Variants in NPNT observed in about 807,000 individuals in gnomAD.
NPNT encodes the protein preosteoblast EGF-like repeat protein with MAM domain.
NPNT carries 45 observed loss-of-function variants against 68.6 expected under a neutral mutation model. The observed-to-expected ratio is 0.66, with a 90% confidence interval of 0.52 to 0.84. The LOEUF (loss-of-function observed/expected upper bound fraction) is 0.84. NPNT is among the 40% of genes least tolerant of loss of function. The pLI is 0.00. For missense variants in NPNT, 672 were observed against 714.8 expected (o/e 0.94, Z 0.68); for synonymous variants, 233 against 253.3 (o/e 0.92, Z 0.76).
At position 105,959,116 on chromosome 4, in the gene NPNT, G is replaced by T. The variant is rs770321537; in HGVS notation, c.1335G>T (p.Arg445Ser). 110 of 1,608,322 alleles carry T rather than the reference G, an allele frequency of 6.8e-5. No homozygotes were observed. The highest frequency in any genetic ancestry group is 8.7e-5 in the Non-Finnish European group (102 of 1,175,004). ...ATGACTTGCACTGGGAACCAATCAGGGACCCAGCAGGTAAAACCATTTCAT... is the reference window on the plus strand; with the variant it reads ...ATGACTTGCACTGGGAACCAATCAGTGACCCAGCAGGTAAAACCATTTCAT... The part of the protein sequence containing the change: ...KDNDLHWEPI[R>S]DPAGGQYLTV... The change falls in exon 10 of 12, where the codon AGG (arginine) becomes AGT (serine). Residue 445 changes from arginine to serine, a missense_variant. Transcript: ENST00000379987.
chr4:105,936,931 T>C, intron 3 of NPNT, 78 bp from the exon 4 acceptor site: 10 of 1,419,534 alleles, frequency 7.0e-6, no homozygotes, highest in Non-Finnish European at 8.5e-6. Context: ...CATTTTTTAA[T>C]ATAGAAAAGA....
intron 2 of NPNT, among the ~76,000 whole-genome samples, chr4:105,909,855 C>T (rs1727216947): frequency 6.6e-6 from 1 of 152,138 alleles, no homozygotes. Flanking sequence ...GCATTTATCA[C>T]CTTTAACAAA....
chr4:105,898,135 A>G lies in NPNT; in HGVS notation c.172+134A>G, dbSNP rs904183247. 1.0e-5 allele frequency: 6 copies of G among 590,140 alleles called. No individual in the cohort carries two copies. In the Admixed American group the frequency reaches 1.4e-4, roughly 13 times the overall value. 36.6% of individuals were successfully genotyped at this position (590,140 alleles called of 1,614,324 possible). On this transcript the variant is annotated intron_variant, in intron 2 of 11. Coordinates refer to ENST00000379987, the MANE Select transcript of NPNT (RefSeq NM_001033047.3). ...TTGCAGGTCTGACTTGGGGATTTTC[A>G]GGTACAGTCCAGACTCCTTATTCTG... is the stretch of plus-strand genomic sequence containing the variant.
At chr4:105,967,061 T>G (rs1285518728) in intron 10 of NPNT, 127 bp from the exon 11 acceptor site, 3 of 877,686 alleles carry the variant, frequency 3.4e-6, no homozygotes. Context: ...CATATTTTTC[T>G]TCTTCAAAAA....
intron 2 of NPNT, among the ~76,000 whole-genome samples, chr4:105,915,868 A>G (rs138758164): frequency 7.9e-5 from 12 of 152,252 alleles, no homozygotes; most frequent in African/African-American, 1.2e-4. Context: ...TCCTTCGTCA[A>G]CTTCAGTCAA....
Position 105,912,809 on chromosome 4 carries a change from G to A in NPNT, c.173-14527G>A, listed in dbSNP as rs114924998. Among the ~76,000 whole-genome samples the A allele has an allele frequency of 6.0e-3, 918 of 152,284 alleles. 9 individuals are homozygous for A. The highest frequency in any genetic ancestry group is 0.021 in the African/African-American group (869 of 41,564). ...ACCCTATGACACTTTAGTGGAAAAC[G>A]TTGGTGAAATATGTGGAATTGTAAT... On this transcript the variant is annotated intron_variant, in intron 2 of 11. Transcript: ENST00000379987.
intron 3 of NPNT, among the ~76,000 whole-genome samples, chr4:105,936,778 G>A (rs930246926): frequency 4.6e-5 from 7 of 152,128 alleles, no homozygotes; most frequent in African/African-American, 1.7e-4. Context: ...TTTCCTAACT[G>A]GCCTTTATAA....
At chr4:105,922,165 C>G (rs1728306897) in intron 2 of NPNT, among the ~76,000 whole-genome samples, 1 of 151,834 alleles carries the variant, frequency 6.6e-6, no homozygotes, top group African/African-American at 2.4e-5. Flanking sequence ...TGGCTTTTGC[C>G]TTATTACTTT....
chr4:105,937,618 C>G (rs1729595953), intron 4 of NPNT, among the ~76,000 whole-genome samples: 1 of 151,638 alleles, frequency 6.6e-6, no homozygotes, highest in Admixed American at 6.6e-5. Context: ...TAATAATAGT[C>G]TAAGACTTCT....
chr4:105,962,727 G>A (rs1731814317), intron 10 of NPNT, among the ~76,000 whole-genome samples: 1 of 152,014 alleles, frequency 6.6e-6, no homozygotes, highest in African/African-American at 2.4e-5. Flanking sequence ...ATGTGAGGAT[G>A]GAATTGCAGA....
intron 2 of NPNT, among the ~76,000 whole-genome samples, chr4:105,919,614 G>T (rs1386811814): frequency 6.6e-6 from 1 of 151,962 alleles, no homozygotes; most frequent in Non-Finnish European, 1.5e-5. Flanking sequence ...TCTCGACAAT[G>T]ATATTTTTGA....
intron 3 of NPNT, among the ~76,000 whole-genome samples, chr4:105,930,167 G>T (rs1010384884): frequency 6.6e-6 from 1 of 152,176 alleles, no homozygotes; most frequent in African/African-American, 2.4e-5. Context: ...GTTCCTGATG[G>T]CAAGGTTTAT....
chr4:105,958,438 C>G (rs1259221885), intron 8 of NPNT, 33 bp from the exon 9 acceptor site: 6 of 1,337,436 alleles, frequency 4.5e-6, no homozygotes, highest in Non-Finnish European at 6.4e-6. Flanking sequence ...CACACACACA[C>G]ACACACAAAA....
At position 105,969,074 on chromosome 4, in the gene NPNT, C is replaced by A; in HGVS notation, c.*84C>A. On this transcript the variant is annotated 3_prime_UTR_variant, in exon 12 of 12. Transcript: ENST00000379987. ...TCTTCTCTCCTCTTCTCCCTTTTAT[C>A]AGGCCTAGGAGAAGAGTGGGTCAGT... The A allele has an allele frequency of 1.1e-6, 1 of 928,226 alleles. No individual in the cohort carries two copies. The highest frequency in any genetic ancestry group is 1.7e-6 in the Non-Finnish European group (1 of 596,076). 57.5% of individuals were successfully genotyped at this position (928,226 alleles called of 1,614,324 possible).
intron 3 of NPNT, among the ~76,000 whole-genome samples, chr4:105,931,164 GA>G (rs975295248): frequency 1.3e-5 from 2 of 151,316 alleles, no homozygotes; most frequent in South Asian, 2.1e-4. Context: ...CCCCCAGCCA[GA>G]AAAAAAATAT....
intron 2 of NPNT, among the ~76,000 whole-genome samples, chr4:105,923,027 A>T (rs183671603): frequency 7.2e-5 from 11 of 152,360 alleles, no homozygotes; most frequent in Admixed American, 7.2e-4. Context: ...CAGTAGCACC[A>T]GCAGGCACGT....
rs1013733992 is a variant in NPNT, at chr4:105,927,378, C to T, written c.215C>T (p.Pro72Leu). The T allele has an allele frequency of 4.3e-6, 7 of 1,612,922 alleles. No individual in the cohort carries two copies. The highest frequency in any genetic ancestry group is 1.3e-5 in the African/African-American group (1 of 74,866). Reference sequence around the variant, plus strand: ...TGCAAACATGGTGAATGTATCGGGCCAAACAAGTGCAAGTGTCATCCTGGT... The same window carrying T: ...TGCAAACATGGTGAATGTATCGGGCTAAACAAGTGCAAGTGTCATCCTGGT... ...PRCKHGECIG[P>L]NKCKCHPGYA... is the part of the protein sequence containing the mutation. The change falls in exon 3 of 12, where the codon CCA becomes CTA. Residue 72 changes from proline to leucine, a missense_variant. Transcript: ENST00000379987.
In NPNT at chr4:105,920,395, T is replaced by TAA. The variant is rs11355483; in HGVS notation, c.173-6918_173-6917dup. Reference sequence around the variant, plus strand: ...GTGGGCATTGCTACTGTTACTCTACTAAAAAAAAAAAAAAAAAAAAAAAAC... The same window carrying TAA: ...GTGGGCATTGCTACTGTTACTCTACTAAAAAAAAAAAAAAAAAAAAAAAAAAC... On this transcript the variant is annotated intron_variant, in intron 2 of 11. Transcript: ENST00000379987. Among the ~76,000 whole-genome samples, 319 of 79,332 alleles carry TAA rather than the reference T, an allele frequency of 4.0e-3. 13 individuals carry two copies. The highest frequency in any genetic ancestry group is 0.015 in the African/African-American group (292 of 19,484). 52.0% of individuals were successfully genotyped at this position (79,332 alleles called of 152,430 possible).
intron 2 of NPNT, among the ~76,000 whole-genome samples, chr4:105,909,874 G>A (rs372399196): frequency 9.2e-5 from 14 of 152,282 alleles, no homozygotes; most frequent in African/African-American, 2.9e-4. Context: ...AAGTGTGTGT[G>A]TCATGCTGTG....
Sources: allele counts gnomAD v4.1 joint callset (sites outside exome capture counted in the v4.1 genomes callset), GRCh38; gene constraint gnomAD v4.1.1; transcripts MANE v1.5; gene names NCBI Gene and HGNC (gene_info 2026-07-23, HGNC 2026-07-21).